SRFBP1: variants seen among roughly 807,000 people sequenced by gnomAD.
SRFBP1 encodes the protein serum response factor-binding protein 1.
A neutral mutation model predicts 45.5 loss-of-function variants in SRFBP1; 47 were observed. That is an observed-to-expected ratio of 1.03 (90% CI 0.82 to 1.32). The LOEUF (loss-of-function observed/expected upper bound fraction) is 1.32, where lower values mean the gene tolerates loss of function less well. Ranked by LOEUF, SRFBP1 falls within the 40% of genes most tolerant of loss-of-function variation. The pLI is 0.00. For missense variants in SRFBP1, 621 were observed against 484.6 expected (o/e 1.28, Z -2.64); for synonymous variants, 203 against 166.3 (o/e 1.22, Z -1.70).
At chr5:121,982,830 T>A (rs995801020) in intron 3 of SRFBP1, among the ~76,000 whole-genome samples, 9 of 151,744 alleles carry the variant, frequency 5.9e-5, no homozygotes, top group African/African-American at 1.4e-4. Flanking sequence ...GCTTTTTTTT[T>A]AATGTTTCCC....
intron 2 of SRFBP1, chr5:122,064,960 T>C (rs1754259714): frequency 6.6e-6 from 1 of 152,090 alleles, no homozygotes; most frequent in Non-Finnish European, 1.5e-5. Context: ...TTTTGTTTTT[T>C]AAGAAAGCAA....
intron 1 of SRFBP1, among the ~76,000 whole-genome samples, chr5:121,967,120 A>G (rs1025466248): frequency 1.1e-4 from 16 of 152,002 alleles, no homozygotes; most frequent in South Asian, 4.1e-4. Context: ...GCAAATTACC[A>G]TTAAGCCCAT....
At chr5:121,981,553 C>CTT (rs71623244) in intron 3 of SRFBP1, among the ~76,000 whole-genome samples, 3 of 134,734 alleles carry the variant, frequency 2.2e-5, no homozygotes, top group Non-Finnish European at 4.9e-5. Flanking sequence ...TACCCTGTAC[C>CTT]TTTTTTTTTT....
intron 4 of SRFBP1, among the ~76,000 whole-genome samples, chr5:122,007,667 T>G (rs1753006444): frequency 6.6e-6 from 1 of 151,136 alleles, no homozygotes; most frequent in Non-Finnish European, 1.5e-5. Context: ...CTGTGTTGGC[T>G]GGTCCAGTGG....
chr5:122,013,868 T>C (rs376276244), intron 4 of SRFBP1, among the ~76,000 whole-genome samples: 21 of 152,224 alleles, frequency 1.4e-4, no homozygotes, highest in South Asian at 1.0e-3. Flanking sequence ...AGTAGAATGG[T>C]CGTTACCAGA....
At chr5:122,003,738 T>C (rs1269302457) in intron 4 of SRFBP1, among the ~76,000 whole-genome samples, 1 of 152,224 alleles carries the variant, frequency 6.6e-6, no homozygotes, top group African/African-American at 2.4e-5. Context: ...TTTAGGCTTT[T>C]TTGTAGTAGC....
chr5:122,003,990 A>G (rs1752931421), intron 4 of SRFBP1, among the ~76,000 whole-genome samples: 1 of 152,086 alleles, frequency 6.6e-6, no homozygotes, highest in South Asian at 2.1e-4. Flanking sequence ...ACTGGAGTGC[A>G]GTGGCAGGAT....
At chr5:122,004,819 G>C (rs1364327614) in intron 4 of SRFBP1, among the ~76,000 whole-genome samples, 17 of 152,004 alleles carry the variant, frequency 1.1e-4, no homozygotes. Flanking sequence ...TTTTTGCTGT[G>C]TCCCATAAGT....
intron 3 of SRFBP1, among the ~76,000 whole-genome samples, chr5:121,988,965 G>C (rs1172441815): frequency 6.6e-6 from 1 of 151,978 alleles, no homozygotes; most frequent in Non-Finnish European, 1.5e-5. Context: ...CGAAATTGCA[G>C]AATATTTAGA....
rs1488421489 is a variant in SRFBP1, at chr5:121,961,988, C to T, written c.-45C>T. 3.7e-6 allele frequency: 6 copies of T among 1,613,184 alleles called. No homozygotes were observed. Among genetic ancestry groups the T allele is most frequent in the East Asian group, 2.2e-5 (1 of 44,868 alleles). ...GGCGACGCAGCCGCGGTCTGAGAGA[C>T]CGGTTCACGTGCAGGCAGCGGCGGA... On this transcript the variant is annotated 5_prime_UTR_variant, in exon 1 of 8. Coordinates refer to ENST00000339397, the MANE Select transcript of SRFBP1 (RefSeq NM_152546.3).
chr5:122,053,794 A>G (rs550321553), intron 2 of SRFBP1, among the ~76,000 whole-genome samples: 6 of 152,262 alleles, frequency 3.9e-5, no homozygotes, highest in African/African-American at 1.4e-4. Context: ...CAGAAACTCT[A>G]GCAAGCATTG....
At chr5:122,067,684 C>T (rs575134216) in intron 2 of SRFBP1, among the ~76,000 whole-genome samples, 1 of 152,244 alleles carries the variant, frequency 6.6e-6, no homozygotes, top group African/African-American at 2.4e-5. Context: ...CTTTTCCATC[C>T]TTTTTGTCCA....
intron 2 of SRFBP1, among the ~76,000 whole-genome samples, chr5:122,035,313 A>G (rs906389702): frequency 1.3e-5 from 2 of 152,154 alleles, no homozygotes; most frequent in African/African-American, 2.4e-5. Context: ...GTGTAGGCTC[A>G]TATCTATGAG....
chr5:121,967,216 T>C (rs1167162998), intron 1 of SRFBP1, among the ~76,000 whole-genome samples: 1 of 152,180 alleles, frequency 6.6e-6, no homozygotes, highest in Non-Finnish European at 1.5e-5. Context: ...CCACATATTG[T>C]AAAACATAAG....
intron 1 of SRFBP1, among the ~76,000 whole-genome samples, chr5:121,963,376 G>A (rs536144357): frequency 6.6e-6 from 1 of 152,292 alleles, no homozygotes; most frequent in African/African-American, 2.4e-5. Context: ...GCCAGAAAGC[G>A]TTTGGTGGGC....
At chr5:121,991,688 T>G (rs556169914) in intron 3 of SRFBP1, among the ~76,000 whole-genome samples, 44 of 152,236 alleles carry the variant, frequency 2.9e-4, no homozygotes, top group African/African-American at 1.0e-3. Flanking sequence ...CTAAAAAAAG[T>G]CTTAGTTTCT....
At chr5:122,001,940 TAA>T (rs1752882036) in intron 4 of SRFBP1, among the ~76,000 whole-genome samples, 1 of 152,206 alleles carries the variant, frequency 6.6e-6, no homozygotes, top group African/African-American at 2.4e-5. Context: ...AGTTTATTTC[TAA>T]AAGAGAATTT....
intron 2 of SRFBP1, chr5:122,066,715 T>A (rs1000418950): frequency 9.4e-6 from 15 of 1,593,662 alleles, no homozygotes; most frequent in Middle Eastern, 1.7e-4. Flanking sequence ...AGGCACTGAT[T>A]TATCCATTGG....
At chr5:121,979,611 C>A (rs1432106043) in intron 3 of SRFBP1, among the ~76,000 whole-genome samples, 1 of 152,110 alleles carries the variant, frequency 6.6e-6, no homozygotes, top group African/African-American at 2.4e-5. Context: ...TCAAATCAGA[C>A]TCAACGTGTT....
Sources: gnomAD v4.1 joint callset for allele counts (sites outside exome capture counted in the v4.1 genomes callset) on GRCh38, gnomAD v4.1.1 for gene constraint, MANE v1.5 for transcripts, NCBI Gene and HGNC (gene_info 2026-07-23, HGNC 2026-07-21) for gene names.